Variants in CUBN observed in about 807,000 individuals in gnomAD.
CUBN encodes the protein cubilin, also known as 460 kDa receptor.
A neutral mutation model predicts 405.3 loss-of-function variants in CUBN; 282 were observed. The ratio of observed to expected loss-of-function variants is 0.70; its 90% CI spans 0.63 to 0.77. CUBN has a LOEUF of 0.77. CUBN is among the 30% of genes least tolerant of loss of function. The probability of loss-of-function intolerance (pLI) is 0.00; values close to 1 mark genes in which losing one functional copy is unlikely to be tolerated. For synonymous variants in CUBN, 1,684 were observed against 1,617.0 expected (o/e 1.04, Z -0.99); for missense variants, 4,514 against 4,475.2 (o/e 1.01, Z -0.25).
At chr10:16,926,664 CA>C (rs1171971651) in intron 41 of CUBN, among the ~76,000 whole-genome samples, 14 of 151,974 alleles carry the variant, frequency 9.2e-5, no homozygotes, top group African/African-American at 3.1e-4. Flanking sequence ...ACAGAAAAGT[CA>C]AAAATAACAT....
chr10:17,093,594 A>C (rs182001945), intron 14 of CUBN, among the ~76,000 whole-genome samples: 124 of 152,216 alleles, frequency 8.1e-4, no homozygotes, highest in African/African-American at 2.4e-3. Flanking sequence ...TGAGAGGAAG[A>C]TAATATAATC....
At chr10:16,827,994 C>A (rs115187489) in intron 66 of CUBN, among the ~76,000 whole-genome samples, 2,044 of 152,290 alleles carry the variant, frequency 0.013, 51 homozygotes, top group African/African-American at 0.046. Flanking sequence ...GGGAAGATAT[C>A]AGAGCTTTAC....
chr10:17,092,423 C>T (rs559334918), intron 14 of CUBN, among the ~76,000 whole-genome samples: 1 of 152,184 alleles, frequency 6.6e-6, no homozygotes, highest in African/African-American at 2.4e-5. Context: ...AGGGCTGAGA[C>T]CTACTAGACT....
At position 16,954,421 on chromosome 10, in the gene CUBN, T is replaced by C; in HGVS notation, c.4823A>G (p.Gln1608Arg). 1 of 1,614,206 alleles carries C rather than the reference T, an allele frequency of 6.2e-7. No homozygotes were observed. Among genetic ancestry groups the C allele is most frequent in the Non-Finnish European group, 8.5e-7 (1 of 1,180,032 alleles). Residue 1608 changes from glutamine (Q) to arginine (R), a missense_variant, in exon 32 of 67, where the codon CAG (glutamine) becomes CGG (arginine). Gln to Arg is a conservative substitution (Grantham distance 43). Around this residue, in one of 5 missense-constraint regions of CUBN, gnomAD observed 1,613 missense variants for 1,542.8 expected, o/e 1.05. Coordinates refer to ENST00000377833, the MANE Select transcript of CUBN (RefSeq NM_001081.4). ...FLRFQSGPSR[Q>R]NRGFRAQFRQ... ...GAATTGAGCTCGGAAGCCTCTGTTCTGTCTGGAAGGGCCAGACTGAAATCT... is the reference window on the plus strand; with the variant it reads ...GAATTGAGCTCGGAAGCCTCTGTTCCGTCTGGAAGGGCCAGACTGAAATCT...
chr10:17,044,160 TATAAA>T (rs1179329309), intron 25 of CUBN, among the ~76,000 whole-genome samples, 177 bp from the exon 26 acceptor site: 2 of 146,892 alleles, frequency 1.4e-5, no homozygotes, highest in African/African-American at 2.5e-5. Flanking sequence ...ATAATATATT[TATAAA>T]ATAAATTTAT....
intron 53 of CUBN, among the ~76,000 whole-genome samples, chr10:16,900,394 C>T (rs569438579): frequency 7.2e-5 from 11 of 152,348 alleles, no homozygotes; most frequent in South Asian, 4.1e-4. Flanking sequence ...TACCAATTAT[C>T]GGCTATGTAT....
chr10:17,001,289 A>G (rs907237216), intron 28 of CUBN, among the ~76,000 whole-genome samples: 2 of 152,106 alleles, frequency 1.3e-5, no homozygotes, highest in African/African-American at 4.8e-5. Context: ...GTGCAGGGCA[A>G]CCCCAGTGGA....
intron 27 of CUBN, among the ~76,000 whole-genome samples, chr10:17,027,361 A>G (rs910210380): frequency 1.5e-4 from 23 of 152,218 alleles, no homozygotes; most frequent in Admixed American, 1.3e-4. Context: ...AATAGTCACA[A>G]GCTATTGTTA....
intron 31 of CUBN, among the ~76,000 whole-genome samples, chr10:16,958,366 A>G (rs1442366827): frequency 6.6e-6 from 1 of 151,564 alleles, no homozygotes; most frequent in African/African-American, 2.4e-5. Flanking sequence ...TACTAAAAAT[A>G]CAAAAAACAA....
intron 31 of CUBN, among the ~76,000 whole-genome samples, chr10:16,974,103 G>C (rs1166716592): frequency 6.6e-6 from 1 of 152,192 alleles, no homozygotes; most frequent in South Asian, 2.1e-4. Flanking sequence ...AACTCTCTAT[G>C]TGACAGCAAG....
At chr10:16,872,363 T>TATATATATAG (rs1249157599) in intron 58 of CUBN, among the ~76,000 whole-genome samples, 2 of 151,614 alleles carry the variant, frequency 1.3e-5, no homozygotes, top group East Asian at 3.9e-4. Flanking sequence ...TATATATAGA[T>TATATATATAG]AGATAGACAG....
intron 56 of CUBN, among the ~76,000 whole-genome samples, chr10:16,885,225 C>G (rs1422944637): frequency 6.6e-6 from 1 of 152,132 alleles, no homozygotes; most frequent in Non-Finnish European, 1.5e-5. Context: ...GGGGAATCAT[C>G]ATAATTAGAT....
intron 5 of CUBN, 66 bp downstream of exon 5, chr10:17,123,522 G>A: frequency 1.7e-6 from 2 of 1,204,410 alleles, no homozygotes; most frequent in Non-Finnish European, 2.4e-6. Context: ...AAATATGCCT[G>A]ATGATTCCAA....
intron 31 of CUBN, among the ~76,000 whole-genome samples, chr10:16,961,417 C>T (rs1422039896): frequency 6.6e-6 from 1 of 152,112 alleles, no homozygotes; most frequent in Non-Finnish European, 1.5e-5. Flanking sequence ...GCATAAATGT[C>T]CATCATTTCT....
At chr10:16,952,225 A>G in intron 33 of CUBN, 51 bp downstream of exon 33, 1 of 1,351,524 alleles carries the variant, frequency 7.4e-7, no homozygotes, top group Non-Finnish European at 1.1e-6. Context: ...TGACCTTCCC[A>G]CAGACACCTT....
chr10:16,933,187 C>T lies in CUBN; in HGVS notation c.6024G>A (p.Trp2008Ter). The change falls in exon 40 of 67, where the codon TGG (tryptophan) becomes TGA (stop). Residue 2008 changes from tryptophan (W) to a stop codon, truncating the protein, a stop_gained. Transcript: ENST00000377833. LOFTEE classifies it high-confidence loss of function. Reference protein sequence around the residue: ...DSYSNRVDCTWLIQAPDSTVE... With the variant: ...DSYSNRVDCT ...CGGTAGAGTCGGGAGCCTGGATGAG[C>T]CACGTACAGTCCACTCTATTACTGT... The T allele has an allele frequency of 6.2e-7, 1 of 1,614,030 alleles. No homozygotes were observed. Among genetic ancestry groups the T allele is most frequent in the Non-Finnish European group, 8.5e-7 (1 of 1,179,998 alleles).
intron 29 of CUBN, among the ~76,000 whole-genome samples, chr10:16,985,331 G>A (rs548689605): frequency 5.9e-5 from 9 of 152,328 alleles, no homozygotes; most frequent in South Asian, 2.1e-4. Flanking sequence ...GAGTTTGGCC[G>A]GGGATGGTCA....
At chr10:16,927,991 C>G (rs890266126) in intron 41 of CUBN, among the ~76,000 whole-genome samples, 166 bp downstream of exon 41, 27 of 152,146 alleles carry the variant, frequency 1.8e-4, no homozygotes, top group Non-Finnish European at 4.4e-5. Flanking sequence ...GAGGACTCAG[C>G]ACTGATGTAA....
Position 16,990,364 on chromosome 10 carries a change from A to C in CUBN, c.4320T>G (p.Tyr1440Ter). The change falls in exon 29 of 67, where the codon TAT becomes TAG. Residue 1440 changes from tyrosine (Y) to a stop codon, truncating the protein, a stop_gained. Coordinates refer to ENST00000377833, the MANE Select transcript of CUBN (RefSeq NM_001081.4). LOFTEE classifies it high-confidence loss of function. ...QLTIHDFDVE[Y>*]HSRCNFDVLE... ...AGACATCAAAGTTGCACCTTGAATG[A>C]TACTCCACATCGAAGTCATGGATGG... 1 of 1,614,176 alleles carries C rather than the reference A, an allele frequency of 6.2e-7. No individual in the cohort carries two copies.
Sources: gnomAD v4.1 joint callset for allele counts (sites outside exome capture counted in the v4.1 genomes callset) on GRCh38, gnomAD v4.1.1 for gene constraint, gnomAD v4.1.1 regional missense constraint, MANE v1.5 for transcripts, NCBI Gene and HGNC (gene_info 2026-07-23, HGNC 2026-07-21) for gene names.